Variants in GATA4 observed in about 807,000 individuals in gnomAD.
GATA4 encodes transcription factor GATA-4.
GATA4 carries 7 observed loss-of-function variants against 37.9 expected under a neutral mutation model. That is an observed-to-expected ratio of 0.18 (90% CI 0.11 to 0.35). The LOEUF (loss-of-function observed/expected upper bound fraction) is 0.35, where lower values mean the gene tolerates loss of function less well. GATA4 is among the 10% of genes least tolerant of loss of function. The probability of loss-of-function intolerance (pLI) is 1.00; values close to 1 mark genes in which losing one functional copy is unlikely to be tolerated. For synonymous variants in GATA4, 372 were observed against 292.6 expected (o/e 1.27, Z -2.77); for missense variants, 647 against 653.0 (o/e 0.99, Z 0.10).
intron 2 of GATA4, among the ~76,000 whole-genome samples, chr8:11,729,996 G>C (rs1352238662): frequency 2.6e-5 from 4 of 152,122 alleles, no homozygotes; most frequent in Non-Finnish European, 5.9e-5. Context: ...CGTGATCATG[G>C]CTCACTGCAG....
chr8:11,731,280 G>A (rs1801196211), intron 2 of GATA4, among the ~76,000 whole-genome samples: 1 of 152,208 alleles, frequency 6.6e-6, no homozygotes, highest in South Asian at 2.1e-4. Flanking sequence ...GTAAAAATGA[G>A]CGCATTATTG....
chr8:11,757,201 GCTACCCT>G, intron 6 of GATA4, 118 bp downstream of exon 6: 1 of 1,442,142 alleles, frequency 6.9e-7, no homozygotes, highest in South Asian at 1.3e-5. Flanking sequence ...CAAGCAGTGA[GCTACCCT>G]CTGCGCTAGG....
chr8:11,747,934 C>G (rs1033042230), intron 2 of GATA4, among the ~76,000 whole-genome samples: 1 of 152,144 alleles, frequency 6.6e-6, no homozygotes, highest in African/African-American at 2.4e-5. Flanking sequence ...AAATATGGAT[C>G]AACATATGAA....
At chr8:11,746,558 C>T (rs543334998) in intron 2 of GATA4, among the ~76,000 whole-genome samples, 2 of 152,324 alleles carry the variant, frequency 1.3e-5, no homozygotes, top group South Asian at 4.1e-4. Flanking sequence ...CGACGTTGCC[C>T]GCGCCCGCCT....
At chr8:11,742,331 C>T (rs1389862415) in intron 2 of GATA4, among the ~76,000 whole-genome samples, 8 of 151,802 alleles carry the variant, frequency 5.3e-5, no homozygotes, top group African/African-American at 1.7e-4. Flanking sequence ...CAACCTCTTC[C>T]TCCTCTATCT....
intron 2 of GATA4, among the ~76,000 whole-genome samples, chr8:11,737,748 G>A (rs187120866): frequency 1.3e-5 from 2 of 152,284 alleles, no homozygotes; most frequent in Non-Finnish European, 2.9e-5. Context: ...TGCTTTTGTA[G>A]GAAAGGAAGG....
intron 2 of GATA4, among the ~76,000 whole-genome samples, chr8:11,714,133 G>A (rs1451891957): frequency 6.6e-6 from 1 of 152,162 alleles, no homozygotes; most frequent in African/African-American, 2.4e-5. Flanking sequence ...GGAAAGGCTA[G>A]GAAAATATAT....
At chr8:11,694,595 T>G in intron 1 of GATA4, 1 of 800,308 alleles carries the variant, frequency 1.2e-6, no homozygotes, top group Non-Finnish European at 1.5e-6. Flanking sequence ...ACTGTCTGCT[T>G]TGTTCCTAAG....
At position 11,749,145 on chromosome 8, in the gene GATA4, G is replaced by T. The variant is rs766957594; in HGVS notation, c.786+60G>T. On this transcript the variant is annotated intron_variant, in intron 3 of 6. Transcript: ENST00000532059. The surrounding 1 kb of genome is among the most constrained non-coding windows in gnomAD (Gnocchi z 4.6). ...TGGCTGCGGAGCTCTCGCCTTGGTG[G>T]GACATCCTCTGGTTTTGAATTTTGG... 4.4e-5 allele frequency: 68 copies of T among 1,561,776 alleles called. No individual in the cohort carries two copies. The highest frequency in any genetic ancestry group is 5.8e-5 in the Non-Finnish European group (66 of 1,141,538).
At chr8:11,747,306 A>G (rs1802081117) in intron 2 of GATA4, among the ~76,000 whole-genome samples, 1 of 152,190 alleles carries the variant, frequency 6.6e-6, no homozygotes, top group South Asian at 2.1e-4. Flanking sequence ...CTGTCTCACG[A>G]GGGTGAGGAG....
At chr8:11,691,738 C>T (rs1042941044), upstream of GATA4, among the ~76,000 whole-genome samples, 6 of 151,564 alleles carry the variant, frequency 4.0e-5, no homozygotes, top group Admixed American at 6.6e-5. Context: ...TCCAGATCCT[C>T]GAGGCCTAAG....
At chr8:11,720,884 G>C (rs1800642410) in intron 2 of GATA4, among the ~76,000 whole-genome samples, 1 of 152,034 alleles carries the variant, frequency 6.6e-6, no homozygotes, top group Admixed American at 6.5e-5. Context: ...AACCCACTGA[G>C]TGTTGTCTGC....
At chr8:11,690,554 A>T (rs890918338), upstream of GATA4, among the ~76,000 whole-genome samples, 66 of 152,168 alleles carry the variant, frequency 4.3e-4, no homozygotes, top group Admixed American at 2.8e-3. Context: ...GATGGAAATT[A>T]AAAAAACAAA....
At chr8:11,720,446 TC>T (rs1800621810) in intron 2 of GATA4, among the ~76,000 whole-genome samples, 1 of 152,154 alleles carries the variant, frequency 6.6e-6, no homozygotes, top group Non-Finnish European at 1.5e-5. Flanking sequence ...ACTCATCTTT[TC>T]TTTTTACCTT....
chr8:11,680,977 A>T (rs1344072275), intron 1 of GATA4: 2 of 975,156 alleles, frequency 2.1e-6, no homozygotes, highest in East Asian at 2.3e-4. Flanking sequence ...TGGTATCTCA[A>T]TATCCCCCTG....
chr8:11,678,655 T>C (rs1161093572), intron 1 of GATA4, among the ~76,000 whole-genome samples: 2 of 152,278 alleles, frequency 1.3e-5, no homozygotes. Context: ...TAAGTAGTAG[T>C]AGCAGTAGTT....
chr8:11,690,148 A>G (rs1799263966), upstream of GATA4, among the ~76,000 whole-genome samples: 2 of 152,224 alleles, frequency 1.3e-5, no homozygotes, highest in South Asian at 4.1e-4. Context: ...TCACCCACCA[A>G]TGGAGGATGA....
chr8:11,715,187 T>TA (rs902645261), intron 2 of GATA4, among the ~76,000 whole-genome samples: 5 of 151,956 alleles, frequency 3.3e-5, no homozygotes, highest in Non-Finnish European at 5.9e-5. Flanking sequence ...CTGTTTGTGT[T>TA]AAAAAAAAGA....
chr8:11,736,803 C>T (rs1358614191), intron 2 of GATA4, among the ~76,000 whole-genome samples: 1 of 152,178 alleles, frequency 6.6e-6, no homozygotes, highest in East Asian at 1.9e-4. Context: ...CTGATATTAT[C>T]TAGATTCTTT....
Sources: allele counts gnomAD v4.1 joint callset (sites outside exome capture counted in the v4.1 genomes callset), GRCh38; gene constraint gnomAD v4.1.1; non-coding constraint Gnocchi (gnomAD v3.1); transcripts MANE v1.5; gene names NCBI Gene and HGNC (gene_info 2026-07-23, HGNC 2026-07-21).